Variants in DTNB observed in about 807,000 individuals in gnomAD.
DTNB encodes the protein DTN-B.
Under a neutral mutation model 90.7 loss-of-function variants are expected in DTNB, and 63 were observed. That is an observed-to-expected ratio of 0.69 (90% confidence interval 0.57 to 0.86). The LOEUF is 0.86. Ranked by LOEUF, DTNB falls within the 40% of genes least tolerant of loss-of-function variation. The pLI, the probability that DTNB is intolerant of heterozygous loss-of-function variation, is 0.00. For synonymous variants in DTNB, 277 were observed against 286.7 expected, an observed-to-expected ratio of 0.97 and a Z score of 0.34; for missense variants, 744 against 807.1, an observed-to-expected ratio of 0.92 and a Z score of 0.95.
intron 9 of DTNB, among the ~76,000 whole-genome samples, chr2:25,485,820 A>T (rs1465090693): frequency 2.1e-5 from 3 of 145,024 alleles, no homozygotes; most frequent in Admixed American, 6.8e-5. Context: ...CACAAAAATT[A>T]AAAAAAAAAA....
chr2:25,602,053 T>C (rs550480271), intron 5 of DTNB, among the ~76,000 whole-genome samples: 3 of 145,094 alleles, frequency 2.1e-5, no homozygotes, highest in African/African-American at 7.7e-5. Flanking sequence ...ACCCGGGAGG[T>C]GGAAGCTGCG....
At position 25,585,718 on chromosome 2, in the gene DTNB, T is replaced by C. The variant is rs1321801325; in HGVS notation, c.604-4892A>G. On this transcript the variant is annotated intron_variant, in intron 6 of 20. Coordinates refer to ENST00000406818, the MANE Select transcript of DTNB (RefSeq NM_021907.5). ...TTTACCCATTGCCTTATCATTTAAA[T>C]GATGTATGACATTTAGTTAACTGTC... Among the ~76,000 whole-genome samples the C allele has an allele frequency of 3.9e-4, 59 of 152,278 alleles. 1 individual carries two copies. The highest frequency in any genetic ancestry group is 3.8e-3 in the Admixed American group (58 of 15,288).
At chr2:25,586,347 T>C (rs2062401113) in intron 6 of DTNB, among the ~76,000 whole-genome samples, 1 of 151,626 alleles carries the variant, frequency 6.6e-6, no homozygotes, top group African/African-American at 2.4e-5. Flanking sequence ...CCCATCTCAC[T>C]AAAAATACAA....
intron 9 of DTNB, among the ~76,000 whole-genome samples, chr2:25,523,995 A>C (rs1214787747): frequency 6.8e-6 from 1 of 147,198 alleles, no homozygotes; most frequent in Non-Finnish European, 1.5e-5. Context: ...TCCACCTCCC[A>C]GGTTCAAGCA....
chr2:25,501,458 C>A (rs1212956603), intron 9 of DTNB, among the ~76,000 whole-genome samples: 1 of 152,004 alleles, frequency 6.6e-6, no homozygotes, highest in African/African-American at 2.4e-5. Context: ...CAGCTCACCG[C>A]AATCTCCACC....
intron 8 of DTNB, among the ~76,000 whole-genome samples, chr2:25,575,504 T>C (rs1205375371): frequency 1.3e-5 from 2 of 152,126 alleles, no homozygotes; most frequent in African/African-American, 2.4e-5. Flanking sequence ...TCATTAATTA[T>C]AACAGAAACC....
chr2:25,446,754 C>A (rs543421049), intron 12 of DTNB, among the ~76,000 whole-genome samples: 1 of 152,046 alleles, frequency 6.6e-6, no homozygotes, highest in East Asian at 1.9e-4. Flanking sequence ...GGACTCATTG[C>A]GATATATTCA....
chr2:25,566,597 G>C (rs1281369969), intron 8 of DTNB, among the ~76,000 whole-genome samples: 4 of 152,152 alleles, frequency 2.6e-5, no homozygotes, highest in Non-Finnish European at 5.9e-5. Flanking sequence ...AAGTGGGTCT[G>C]GTTTTGATGA....
At position 25,579,224 on chromosome 2, in the gene DTNB, AAATTTAAATCT is replaced by A. The variant is rs2061190151; in HGVS notation, c.709+1486_709+1496del. Reference sequence around the variant, plus strand: ...AAGGCTATAAAAGCATTGCTCTCCAAAATTTAAATCTATCCAAGAATCCTGTTTTAAAAATT... The same window carrying A: ...AAGGCTATAAAAGCATTGCTCTCCAAATCCAAGAATCCTGTTTTAAAAATT... On this transcript the variant is annotated intron_variant, in intron 7 of 20. Coordinates refer to ENST00000406818, the MANE Select transcript of DTNB (RefSeq NM_021907.5). 3.3e-5 allele frequency among the ~76,000 whole-genome samples: 5 copies of A among 152,332 alleles called. No individual in the cohort carries two copies. The South Asian group carries it at 1.0e-3, about 32-fold the overall frequency.
chr2:25,524,113 CTG>C (rs929289560), intron 9 of DTNB, among the ~76,000 whole-genome samples: 5 of 152,114 alleles, frequency 3.3e-5, no homozygotes, highest in Admixed American at 3.3e-4. Flanking sequence ...GTTGGCCAGG[CTG>C]GTCTTGAGCT....
Position 25,383,836 on chromosome 2 carries a change from C to A in DTNB, c.1879G>T (p.Gly627Cys). Residue 627 changes from glycine (G) to cysteine (C), a missense_variant and splice_region_variant, in exon 19 of 21, where the codon GGT becomes TGT. Transcript: ENST00000406818. ...EEKMQNGKDR[G>C] ...AGCAGTCCTGCTGAGCTGCCTTTAC[C>A]TCTGTCTTTCCCATTCTGCATCTTC... 6.2e-7 allele frequency: 1 copy of A among 1,614,038 alleles called. No individual in the cohort carries two copies. Among genetic ancestry groups the A allele is most frequent in the Non-Finnish European group, 8.5e-7 (1 of 1,179,872 alleles).
intron 18 of DTNB, among the ~76,000 whole-genome samples, chr2:25,385,143 G>A (rs1228787732): frequency 1.3e-5 from 2 of 152,122 alleles, no homozygotes; most frequent in African/African-American, 4.8e-5. Flanking sequence ...CTCCCAAAGT[G>A]CTGGGATTAC....
rs2056099277 is a variant in DTNB at position 25,437,263 on chromosome 2, T to C, written c.1258-3268A>G. Among the ~76,000 whole-genome samples, 3 of 151,818 alleles carry C rather than the reference T, an allele frequency of 2.0e-5. No individual in the cohort carries two copies. The South Asian group carries it at 6.2e-4, about 32-fold the overall frequency. On this transcript the variant is annotated intron_variant, in intron 12 of 20. Coordinates refer to ENST00000406818, the MANE Select transcript of DTNB (RefSeq NM_021907.5). ...CAGAAACTTAGAACTTTTATCTATG[T>C]ACTTTTTTTTTTTTTTGAGACAGAA...
At chr2:25,426,389 T>A (rs2051620375) in intron 15 of DTNB, among the ~76,000 whole-genome samples, 1 of 152,226 alleles carries the variant, frequency 6.6e-6, no homozygotes, top group Non-Finnish European at 1.5e-5. Context: ...TTAATTATTA[T>A]ACAATTTCAT....
chr2:25,622,364 G>T (rs1478369791), intron 4 of DTNB, among the ~76,000 whole-genome samples: 1 of 152,142 alleles, frequency 6.6e-6, no homozygotes, highest in Non-Finnish European at 1.5e-5. Context: ...TATGCCTGTA[G>T]TCCCAAATAG....
At chr2:25,521,386 A>ATT (rs58602052) in intron 9 of DTNB, among the ~76,000 whole-genome samples, 6 of 137,956 alleles carry the variant, frequency 4.3e-5, no homozygotes, top group South Asian at 2.3e-4. Context: ...TGTCCCAATA[A>ATT]TTTTTTTTTT....
intron 16 of DTNB, among the ~76,000 whole-genome samples, chr2:25,410,594 A>C (rs901166250): frequency 6.6e-6 from 1 of 152,166 alleles, no homozygotes; most frequent in Non-Finnish European, 1.5e-5. Flanking sequence ...AATGAGAACA[A>C]AAATAACTCG....
intron 9 of DTNB, among the ~76,000 whole-genome samples, chr2:25,489,045 G>A (rs1049824374): frequency 2.6e-5 from 4 of 152,214 alleles, no homozygotes; most frequent in African/African-American, 9.6e-5. Flanking sequence ...AGGAACAGAG[G>A]TTCTGGTTAT....
At chr2:25,571,730 C>T (rs2059895704) in intron 8 of DTNB, among the ~76,000 whole-genome samples, 1 of 152,172 alleles carries the variant, frequency 6.6e-6, no homozygotes, top group Non-Finnish European at 1.5e-5. Context: ...CATGCAGGTG[C>T]CCAGCCTCCT....
Sources: gnomAD v4.1 joint callset for allele counts (sites outside exome capture counted in the v4.1 genomes callset) on GRCh38, gnomAD v4.1.1 for gene constraint, MANE v1.5 for transcripts, NCBI Gene and HGNC (gene_info 2026-07-23, HGNC 2026-07-21) for gene names.